The following WDR41 variants were observed in gnomAD, a reference collection of about 807,000 sequenced individuals.
The protein encoded by WDR41 is WD repeat domain 41, also known as WD repeat-containing protein 41.
Under a neutral mutation model 69.3 loss-of-function variants are expected in WDR41, and 63 were observed. The observed-to-expected ratio is 0.91, with a 90% CI of 0.74 to 1.12. The LOEUF (loss-of-function observed/expected upper bound fraction) is 1.12, where lower values mean the gene tolerates loss of function less well. Ranked by LOEUF, WDR41 falls within the 50% of genes most tolerant of loss-of-function variation. WDR41 has a pLI of 0.00. For missense variants in WDR41, 543 were observed against 534.5 expected (o/e 1.02, Z -0.16); for synonymous variants, 185 against 192.1 (o/e 0.96, Z 0.31).
chr5:77,516,873 C>T (rs183447802), intron 1 of WDR41, among the ~76,000 whole-genome samples: 3 of 151,776 alleles, frequency 2.0e-5, no homozygotes, highest in African/African-American at 4.8e-5. Context: ...ACAAATTAGC[C>T]GGGTGTGGTA....
intron 2 of WDR41, 88 bp from the exon 3 acceptor site, chr5:77,464,897 T>A: frequency 7.7e-7 from 1 of 1,296,050 alleles, no homozygotes; most frequent in Non-Finnish European, 1.1e-6. Context: ...ATTAGTGGTA[T>A]TTTGACTAAT....
At chr5:77,485,067 G>A (rs1368798072) in intron 2 of WDR41, among the ~76,000 whole-genome samples, 1 of 152,202 alleles carries the variant, frequency 6.6e-6, no homozygotes, top group Non-Finnish European at 1.5e-5. Flanking sequence ...GGTCCCCATT[G>A]GGCTGGCAGA....
intron 1 of WDR41, among the ~76,000 whole-genome samples, chr5:77,501,951 A>T (rs942687749): frequency 1.3e-5 from 2 of 152,204 alleles, no homozygotes; most frequent in African/African-American, 4.8e-5. Context: ...AAAATTCTAA[A>T]CACCAGAGTA....
At chr5:77,491,033 T>C (rs1453859085) in intron 1 of WDR41, among the ~76,000 whole-genome samples, 2 of 152,236 alleles carry the variant, frequency 1.3e-5, no homozygotes, top group Non-Finnish European at 2.9e-5. Context: ...GAGCCCAAGC[T>C]AAGCCATCGC....
chr5:77,553,789 C>T (rs1233889739), intron 1 of WDR41, among the ~76,000 whole-genome samples: 1 of 152,060 alleles, frequency 6.6e-6, no homozygotes, highest in Admixed American at 6.5e-5. Context: ...AATAACACCA[C>T]CAAATGCTGG....
rs1744756225 is a variant in WDR41, at chr5:77,620,260, TTTTAATGA to T, written c.42+211_42+218del. 3.9e-5 allele frequency among the ~76,000 whole-genome samples: 6 copies of T among 152,190 alleles called. No homozygotes were observed. In the South Asian group the frequency reaches 6.2e-4, roughly 16 times the overall value. ...CTTGCCTCCTACTGCTTAAAAGTTC[TTTTAATGA>T]ATTAAGATAAAAATATTCTTTCTAT... On this transcript the variant is annotated intron_variant, in intron 1 of 5. Coordinates refer to the WDR41 transcript ENST00000509971.
chr5:77,474,957 G>A (rs11748777), intron 2 of WDR41, among the ~76,000 whole-genome samples: 36,396 of 152,042 alleles, frequency 0.24, 5,523 homozygotes, highest in Non-Finnish European at 0.33. Context: ...CAGTGGGTGC[G>A]TGCACCGTGC....
chr5:77,431,934 G>A lies in WDR41; in HGVS notation c.*1201C>T, dbSNP rs1450627957. 1 of 152,068 alleles carries A rather than the reference G, an allele frequency of 6.6e-6. No homozygotes were observed. The highest frequency in any genetic ancestry group is 2.4e-5 in the African/African-American group (1 of 41,404). The allele number at this position is 152,068 out of a possible 1,614,324, so 9.4% of individuals were successfully genotyped here. ...TTTTTAGAGCTGCTTGGTGATACTG[G>A]GCACTACAGATTTAATTGCAAGGCC... is the stretch of plus-strand genomic sequence containing the variant. On this transcript the variant is annotated 3_prime_UTR_variant, in exon 13 of 13. Coordinates refer to ENST00000296679, the MANE Select transcript of WDR41 (RefSeq NM_018268.4).
intron 1 of WDR41, among the ~76,000 whole-genome samples, chr5:77,592,583 T>C (rs545763635): frequency 6.6e-6 from 1 of 152,232 alleles, no homozygotes; most frequent in Admixed American, 6.5e-5. Flanking sequence ...TGCAAAAGTA[T>C]ACAAATTAAA....
At chr5:77,518,333 T>C (rs1400182119) in intron 1 of WDR41, among the ~76,000 whole-genome samples, 3 of 152,142 alleles carry the variant, frequency 2.0e-5, no homozygotes, top group Non-Finnish European at 2.9e-5. Flanking sequence ...GAAAGAAATA[T>C]CTTGATAATG....
chr5:77,533,598 A>G (rs7444908), intron 1 of WDR41, among the ~76,000 whole-genome samples: 55,685 of 151,948 alleles, frequency 0.37, 10,308 homozygotes, highest in Middle Eastern at 0.46. Context: ...AGTGGAAACA[A>G]GGCTCAGGAT....
Position 77,510,852 on chromosome 5 carries a change from A to T in WDR41, c.43-21280T>A, listed in dbSNP as rs538533644. 1.7e-4 allele frequency among the ~76,000 whole-genome samples: 24 copies of T among 144,584 alleles called. No homozygotes were observed. In the East Asian group the frequency reaches 3.9e-3, roughly 24 times the overall value. The allele number at this position is 144,584 out of a possible 152,430, so 94.9% of individuals were successfully genotyped here. ...AGTGGCGTGATCTCGGCTCACTGCA[A>T]CCTCTGCCTCCCAGGTTCAAGCGAT... On this transcript the variant is annotated intron_variant, in intron 1 of 5. Transcript: ENST00000509971.
chr5:77,558,089 C>CTT (rs368168427), intron 1 of WDR41, among the ~76,000 whole-genome samples: 285 of 68,850 alleles, frequency 4.1e-3, no homozygotes, highest in Middle Eastern at 9.4e-3. Flanking sequence ...TTCAAATGTT[C>CTT]TTTTTAAAAA....
chr5:77,581,163 T>C (rs957594980), intron 1 of WDR41, among the ~76,000 whole-genome samples: 1 of 151,914 alleles, frequency 6.6e-6, no homozygotes, highest in African/African-American at 2.4e-5. Context: ...AGGTAAAAAT[T>C]ATGTATTATG....
intron 1 of WDR41, among the ~76,000 whole-genome samples, chr5:77,524,822 A>T (rs1035443707): frequency 6.6e-6 from 1 of 152,238 alleles, no homozygotes; most frequent in Non-Finnish European, 1.5e-5. Context: ...GGTGGAGAGG[A>T]CAGTCTTAGC....
rs190523858 is a variant in WDR41 at position 77,569,356 on chromosome 5, G to A, written c.42+51123C>T. ...TGACACACTAAGGTCATATTATTAAGTACATGCAACTAATTTTTTCCTATG... is the reference window on the plus strand; with the variant it reads ...TGACACACTAAGGTCATATTATTAAATACATGCAACTAATTTTTTCCTATG... On this transcript the variant is annotated intron_variant, in intron 1 of 5. Coordinates refer to the WDR41 transcript ENST00000509971. 4.5e-3 allele frequency among the ~76,000 whole-genome samples: 677 copies of A among 152,128 alleles called. 8 individuals carry two copies. The highest frequency in any genetic ancestry group is 3.3e-3 in the Non-Finnish European group (221 of 67,994).
intron 2 of WDR41, 130 bp from the exon 3 acceptor site, chr5:77,464,939 T>A: frequency 1.1e-6 from 1 of 892,318 alleles, no homozygotes; most frequent in Non-Finnish European, 1.7e-6. Flanking sequence ...TCAGCTAATT[T>A]AAAAAATATT....
At chr5:77,481,389 C>A (rs1801252502) in intron 2 of WDR41, among the ~76,000 whole-genome samples, 1 of 152,128 alleles carries the variant, frequency 6.6e-6, no homozygotes, top group Admixed American at 6.5e-5. Context: ...AAGCCTGTAT[C>A]TGAATGGGAG....
intron 2 of WDR41, among the ~76,000 whole-genome samples, chr5:77,480,556 C>G (rs915642531): frequency 1.3e-5 from 2 of 151,970 alleles, no homozygotes; most frequent in African/African-American, 4.8e-5. Flanking sequence ...ACATCATGCT[C>G]AGTAAACTAT....
Sources: allele counts gnomAD v4.1 joint callset (sites outside exome capture counted in the v4.1 genomes callset), GRCh38; gene constraint gnomAD v4.1.1; transcripts MANE v1.5; gene names NCBI Gene and HGNC (gene_info 2026-07-23, HGNC 2026-07-21).